Variants in FBLN5 observed in about 807,000 individuals in gnomAD.
FBLN5 encodes the protein fibulin-5.
In FBLN5, 24 loss-of-function variants were observed where a neutral mutation model predicts 61.6. That is an observed-to-expected ratio of 0.39 (90% confidence interval 0.28 to 0.55). FBLN5 has a LOEUF of 0.55. FBLN5 is among the 20% of genes least tolerant of loss of function. The pLI, the probability that FBLN5 is intolerant of heterozygous loss-of-function variation, is 0.65. For missense variants in FBLN5, 470 were observed against 594.1 expected (o/e 0.79, Z 2.17); for synonymous variants, 213 against 219.8 (o/e 0.97, Z 0.27).
intron 4 of FBLN5, among the ~76,000 whole-genome samples, chr14:91,912,505 C>T (rs1261764931): frequency 3.9e-5 from 6 of 152,050 alleles, no homozygotes; most frequent in Admixed American, 1.3e-4. Flanking sequence ...ATTAGCCAGG[C>T]GTGGTGGCAC....
chr14:91,936,388 T>C (rs2474027), intron 4 of FBLN5, among the ~76,000 whole-genome samples: 4,669 of 152,348 alleles, frequency 0.031, 247 homozygotes, highest in African/African-American at 0.11. Context: ...AGGTCCATTC[T>C]TGCTGTGAGT....
intron 4 of FBLN5, among the ~76,000 whole-genome samples, chr14:91,930,383 C>A (rs2140037795): frequency 6.6e-6 from 1 of 152,222 alleles, no homozygotes; most frequent in Non-Finnish European, 1.5e-5. Context: ...GGAGGCCATG[C>A]CCATGAACAA....
At position 91,877,615 on chromosome 14, in the gene FBLN5, T is replaced by C; in HGVS notation, c.1057A>G (p.Met353Val). Residue 353 changes from methionine (M) to valine (V), a missense_variant, in exon 10 of 11, where the codon ATG becomes GTG. Coordinates refer to ENST00000342058, the MANE Select transcript of FBLN5 (RefSeq NM_006329.4). ...DQPFTILYRD[M>V]DVVSGRSVPA... The stretch of plus-strand genomic sequence containing the variant: ...ACGGAGCGTCCTGACACCACGTCCA[T>C]GTCCCGGTACAAGATGGTAAAGGGC... 5.6e-6 allele frequency: 9 copies of C among 1,614,102 alleles called. No individual in the cohort carries two copies. Among genetic ancestry groups the C allele is most frequent in the Non-Finnish European group, 7.6e-6 (9 of 1,179,948 alleles).
chr14:91,941,150 C>T (rs1234827804), intron 2 of FBLN5, among the ~76,000 whole-genome samples: 5 of 152,140 alleles, frequency 3.3e-5, no homozygotes, highest in Admixed American at 1.3e-4. Flanking sequence ...GGTGCTACCT[C>T]GCCTTCAGAG....
chr14:91,926,793 C>T (rs569178444), intron 4 of FBLN5, among the ~76,000 whole-genome samples: 1 of 145,360 alleles, frequency 6.9e-6, no homozygotes, highest in Admixed American at 6.9e-5. Flanking sequence ...GGGGAGTGGA[C>T]GGGGGGCAGT....
At chr14:91,895,309 C>T (rs1488159788) in intron 4 of FBLN5, among the ~76,000 whole-genome samples, 2 of 152,188 alleles carry the variant, frequency 1.3e-5, no homozygotes, top group East Asian at 3.9e-4. Flanking sequence ...GAAGGGAACC[C>T]TTATCCTCAG....
intron 4 of FBLN5, among the ~76,000 whole-genome samples, chr14:91,915,293 A>G (rs1231000047): frequency 3.9e-5 from 6 of 152,236 alleles, no homozygotes; most frequent in Non-Finnish European, 7.3e-5. Flanking sequence ...AAATGAAGCT[A>G]AAAACTTATT....
At chr14:91,891,441 G>A (rs764090032) in intron 5 of FBLN5, 104 bp from the exon 6 acceptor site, 11 of 805,178 alleles carry the variant, frequency 1.4e-5, no homozygotes, top group East Asian at 4.9e-5. Context: ...GATCATGAAC[G>A]GAAGCAAATG....
intron 10 of FBLN5, among the ~76,000 whole-genome samples, chr14:91,871,217 A>C (rs577808139): frequency 2.1e-5 from 1 of 47,586 alleles, no homozygotes; most frequent in East Asian, 8.4e-4. Flanking sequence ...CCAGATCAGT[A>C]ATTTAAAAAA....
chr14:91,939,551 A>G (rs950545063), intron 3 of FBLN5, among the ~76,000 whole-genome samples: 3 of 152,286 alleles, frequency 2.0e-5, no homozygotes, highest in East Asian at 1.9e-4. Flanking sequence ...CATGTTGGCC[A>G]GGCTGGTCTC....
intron 7 of FBLN5, among the ~76,000 whole-genome samples, chr14:91,885,303 C>T (rs1007284751): frequency 1.3e-5 from 2 of 152,162 alleles, no homozygotes; most frequent in Non-Finnish European, 2.9e-5. Flanking sequence ...TTGGCCAAAT[C>T]GGCATGGATG....
intron 9 of FBLN5, among the ~76,000 whole-genome samples, chr14:91,880,707 C>T (rs1889398391): frequency 6.6e-6 from 1 of 152,032 alleles, no homozygotes; most frequent in African/African-American, 2.4e-5. Context: ...GCCACCAGGC[C>T]CAGCTAATTT....
intron 4 of FBLN5, among the ~76,000 whole-genome samples, chr14:91,897,086 T>C (rs1890258689): frequency 6.6e-6 from 1 of 151,994 alleles, no homozygotes; most frequent in African/African-American, 2.4e-5. Context: ...TGTCTGGGAA[T>C]CCTATGGAAG....
At chr14:91,910,400 T>C (rs1442607124) in intron 4 of FBLN5, among the ~76,000 whole-genome samples, 2 of 152,208 alleles carry the variant, frequency 1.3e-5, no homozygotes, top group Non-Finnish European at 2.9e-5. Flanking sequence ...AGTTGCTTAA[T>C]AGATACGGAG....
chr14:91,894,354 G>A (rs1418350725), intron 5 of FBLN5, among the ~76,000 whole-genome samples: 10 of 124,798 alleles, frequency 8.0e-5, no homozygotes, highest in African/African-American at 3.1e-4. Flanking sequence ...AATGAGTCAA[G>A]ATCGTGCCAC....
intron 9 of FBLN5, among the ~76,000 whole-genome samples, chr14:91,878,672 C>T (rs1889284510): frequency 6.6e-6 from 1 of 152,212 alleles, no homozygotes; most frequent in Non-Finnish European, 1.5e-5. Context: ...TTTGCACATG[C>T]TGTTCCTTCT....
chr14:91,892,126 C>T (rs1175991553), intron 5 of FBLN5, among the ~76,000 whole-genome samples: 1 of 152,182 alleles, frequency 6.6e-6, no homozygotes, highest in Non-Finnish European at 1.5e-5. Flanking sequence ...TAATATGTAT[C>T]CATCAATGGG....
At chr14:91,933,987 C>T (rs1370787286) in intron 4 of FBLN5, among the ~76,000 whole-genome samples, 1 of 152,060 alleles carries the variant, frequency 6.6e-6, no homozygotes, top group Non-Finnish European at 1.5e-5. Flanking sequence ...TGGCACATGC[C>T]TGTAGTCCCA....
intron 4 of FBLN5, among the ~76,000 whole-genome samples, chr14:91,918,645 G>A (rs994358862): frequency 1.3e-5 from 2 of 152,116 alleles, no homozygotes; most frequent in Non-Finnish European, 1.5e-5. Flanking sequence ...CTTTGTCTAC[G>A]AGTGCACAAA....
Sources: gnomAD v4.1 joint callset for allele counts (sites outside exome capture counted in the v4.1 genomes callset) on GRCh38, gnomAD v4.1.1 for gene constraint, MANE v1.5 for transcripts, NCBI Gene and HGNC (gene_info 2026-07-23, HGNC 2026-07-21) for gene names.